Variants in PSD4 observed in about 807,000 individuals in gnomAD.
The protein encoded by PSD4 is pleckstrin and Sec7 domain containing 4, also known as PH and SEC7 domain-containing protein 4.
PSD4 carries 59 observed loss-of-function variants against 112.5 expected under a neutral mutation model. The observed-to-expected ratio is 0.52, with a 90% confidence interval of 0.43 to 0.65. The LOEUF is 0.65. Among genes scored for constraint, PSD4 ranks in the 30% least tolerant of loss-of-function variants. PSD4 has a pLI of 0.00. For missense variants in PSD4, 1,267 were observed against 1,352.6 expected (o/e 0.94, Z 0.99); for synonymous variants, 533 against 540.0 (o/e 0.99, Z 0.18).
At chr2:113,191,644 A>G (rs117184033) in intron 5 of PSD4, among the ~76,000 whole-genome samples, 1 of 152,316 alleles carries the variant, frequency 6.6e-6, no homozygotes, top group East Asian at 1.9e-4. Flanking sequence ...TGAATAATGA[A>G]TGTTTAAATA....
intron 3 of PSD4, 59 bp downstream of exon 3, chr2:113,185,132 C>T (rs1237056919): frequency 2.5e-6 from 4 of 1,610,652 alleles, no homozygotes; most frequent in Non-Finnish European, 3.4e-6. Flanking sequence ...GGAATATGAG[C>T]CCATTCATTT....
In PSD4 at chr2:113,196,326, C is replaced by T. The variant is rs180947461; in HGVS notation, c.2386+19C>T. 156 of 1,605,074 alleles carry T rather than the reference C, an allele frequency of 9.7e-5. 1 individual carries two copies. In the African/African-American group the frequency reaches 1.7e-3, roughly 18 times the overall value. ...AAGAAGAGTGAGTGTCTGCTGCCCA[C>T]AAACAGGGTGGCGTGCTGGGAGCAG... On this transcript the variant is annotated intron_variant, in intron 12 of 16. Transcript: ENST00000245796.
chr2:113,189,366 T>C (rs7588026), intron 5 of PSD4, among the ~76,000 whole-genome samples: 3,020 of 150,342 alleles, frequency 0.02, 106 homozygotes, highest in African/African-American at 0.07. Context: ...TATATATATA[T>C]ACACACACAC....
At chr2:113,193,413 G>C (rs1453169635) in intron 8 of PSD4, 43 bp downstream of exon 8, 1 of 1,584,142 alleles carries the variant, frequency 6.3e-7, no homozygotes, top group African/African-American at 1.4e-5. Flanking sequence ...GGAAACTTTG[G>C]GGTGCCCATG....
chr2:113,190,307 T>C (rs1688411109), intron 5 of PSD4, among the ~76,000 whole-genome samples: 1 of 152,208 alleles, frequency 6.6e-6, no homozygotes, highest in Admixed American at 6.5e-5. Context: ...CCCAACACCA[T>C]TTTTTGAAAA....
chr2:113,186,796 C>T (rs1341251576), intron 5 of PSD4, among the ~76,000 whole-genome samples: 1 of 152,146 alleles, frequency 6.6e-6, no homozygotes, highest in African/African-American at 2.4e-5. Flanking sequence ...ATTGTGTAAC[C>T]CCAGAACTGT....
At chr2:113,194,503 C>T (rs187028769) in intron 10 of PSD4, among the ~76,000 whole-genome samples, 7 of 152,352 alleles carry the variant, frequency 4.6e-5, no homozygotes, top group Admixed American at 3.9e-4. Flanking sequence ...CACAGTCACG[C>T]ATCACTTAAC....
In PSD4 at chr2:113,201,381, A is replaced by C. The variant is rs563637570; in HGVS notation, c.3137A>C (p.Lys1046Thr). 1 of 1,614,156 alleles carries C rather than the reference A, an allele frequency of 6.2e-7. No individual in the cohort carries two copies. Among genetic ancestry groups the C allele is most frequent in the Non-Finnish European group, 8.5e-7 (1 of 1,180,036 alleles). Residue 1046 changes from lysine to threonine, a missense_variant, in exon 17 of 17, where the codon AAG becomes ACG. Coordinates refer to ENST00000245796, the MANE Select transcript of PSD4 (RefSeq NM_012455.3). ...RNISERRTYR[K>T]IIPKRNRNQL ...ATCTCAGAGCGCAGAACCTACCGGAAGATCATCCCTAAGCGGAACCGCAAT... is the reference window on the plus strand; with the variant it reads ...ATCTCAGAGCGCAGAACCTACCGGACGATCATCCCTAAGCGGAACCGCAAT...
intron 2 of PSD4, among the ~76,000 whole-genome samples, chr2:113,183,824 C>T (rs973456354): frequency 7.9e-5 from 12 of 152,218 alleles, no homozygotes; most frequent in African/African-American, 2.9e-4. Flanking sequence ...CCTCCAATTG[C>T]AGCATGTTCC....
At chr2:113,196,018 C>A in intron 11 of PSD4, 129 bp from the exon 12 acceptor site, 1 of 1,248,972 alleles carries the variant, frequency 8.0e-7, no homozygotes, top group Non-Finnish European at 1.1e-6. Context: ...TGAAGGAGGA[C>A]TCCTTGTGGG....
rs760447038 is a variant in PSD4, at chr2:113,201,337, G to A, written c.3093G>A (p.Thr1031=). ...TGCACCAGGATGAGGCTCCCACCACGGCCAAGGTGAAGCGCAACATCTCAG... is the reference window on the plus strand; with the variant it reads ...TGCACCAGGATGAGGCTCCCACCACAGCCAAGGTGAAGCGCAACATCTCAG... ...PSLHQDEAPT[T]AKVKRNISER... The change falls in exon 17 of 17, where the codon ACG becomes ACA. Residue 1031 remains threonine, a synonymous_variant. Transcript: ENST00000245796. The A allele has an allele frequency of 1.2e-5, 20 of 1,614,172 alleles. No homozygotes were observed. The highest frequency in any genetic ancestry group is 1.0e-4 in the Admixed American group (6 of 60,026).
Position 113,193,872 on chromosome 2 carries a change from G to C in PSD4, c.2105G>C (p.Ser702Thr). 1.2e-6 allele frequency: 2 copies of C among 1,614,102 alleles called. No individual in the cohort carries two copies. The highest frequency in any genetic ancestry group is 1.1e-5 in the South Asian group (1 of 91,074). The stretch of plus-strand genomic sequence containing the variant: ...CCGTGGCTACAGAACATTGGGAAGA[G>C]CATGAGCTGCCAGGAATTCATAACC... The part of the protein sequence containing the change: ...TDLHGQNIGK[S>T]MSCQEFITNL... The change falls in exon 10 of 17, where the codon AGC becomes ACC. Residue 702 changes from serine to threonine, a missense_variant. Physicochemically the swap from Ser to Thr is moderately conservative, Grantham distance 58 (BLOSUM62 1). Transcript: ENST00000245796.
At chr2:113,180,093 A>C (rs1688087777) in intron 1 of PSD4, among the ~76,000 whole-genome samples, 2 of 152,208 alleles carry the variant, frequency 1.3e-5, no homozygotes, top group African/African-American at 4.8e-5. Flanking sequence ...TGCCCTCCAG[A>C]AAAAAGGCGT....
chr2:113,191,496 T>C (rs1000377450), intron 5 of PSD4, among the ~76,000 whole-genome samples: 1 of 152,212 alleles, frequency 6.6e-6, no homozygotes, highest in African/African-American at 2.4e-5. Flanking sequence ...GGCTTCGAAC[T>C]CCTGGCCTCA....
At chr2:113,183,906 C>G (rs1688219890) in intron 2 of PSD4, among the ~76,000 whole-genome samples, 1 of 152,220 alleles carries the variant, frequency 6.6e-6, no homozygotes, top group African/African-American at 2.4e-5. Context: ...GCTCAGCCTG[C>G]AAGGGTGACC....
chr2:113,185,257 T>A, intron 3 of PSD4, 108 bp from the exon 4 acceptor site: 1 of 1,552,072 alleles, frequency 6.4e-7, no homozygotes, highest in South Asian at 1.2e-5. Context: ...TGCCTACTCA[T>A]GGCATCCTTC....
At chr2:113,190,208 A>T (rs556561398) in intron 5 of PSD4, among the ~76,000 whole-genome samples, 13 of 152,252 alleles carry the variant, frequency 8.5e-5, no homozygotes, top group African/African-American at 3.1e-4. Context: ...AGAGATGAGG[A>T]TCCAGTGTCA....
rs1688869529 is a variant in PSD4 at position 113,206,810 on chromosome 2, T to C, written c.*5395T>C. On this transcript the variant is annotated 3_prime_UTR_variant, in exon 17 of 17. Transcript: ENST00000245796. ...TTAGGCTCTGCCCTCATGCATGCCA[T>C]CCTGCTTGGATGCTGGGTAGCTTTG... 1 of 152,240 alleles carries C rather than the reference T, an allele frequency of 6.6e-6. No homozygotes were observed. Among genetic ancestry groups the C allele is most frequent in the Non-Finnish European group, 1.5e-5 (1 of 68,092 alleles). 9.4% of individuals were successfully genotyped at this position (152,240 alleles called of 1,614,324 possible). A position where few individuals can be genotyped will look rare whatever the true frequency, so the allele number is the denominator to read the frequency against.
At chr2:113,177,368 C>A (rs1459499130) in intron 1 of PSD4, among the ~76,000 whole-genome samples, 9 of 152,216 alleles carry the variant, frequency 5.9e-5, no homozygotes, top group Non-Finnish European at 1.5e-5. Flanking sequence ...TTTGTCTGTC[C>A]ATTCATCTAG....
Sources: gnomAD v4.1 joint callset for allele counts (sites outside exome capture counted in the v4.1 genomes callset) on GRCh38, gnomAD v4.1.1 for gene constraint, MANE v1.5 for transcripts, NCBI Gene and HGNC (gene_info 2026-07-23, HGNC 2026-07-21) for gene names.